ATF7IP2: variants seen among roughly 807,000 people sequenced by gnomAD.
ATF7IP2 encodes the protein activating transcription factor 7-interacting protein 2.
In ATF7IP2, 42 loss-of-function variants were observed where a neutral mutation model predicts 64.2. That is an observed-to-expected ratio of 0.65 (90% CI 0.51 to 0.85). The LOEUF is 0.85. ATF7IP2 is among the 40% of genes least tolerant of loss of function. The pLI, the probability that ATF7IP2 is intolerant of heterozygous loss-of-function variation, is 0.00. For missense variants in ATF7IP2, 933 were observed against 784.2 expected, an observed-to-expected ratio of 1.19 and a Z score of -2.27; for synonymous variants, 308 against 272.8, an observed-to-expected ratio of 1.13 and a Z score of -1.27.
At chr16:10,392,539 A>T (rs2047347566) in intron 1 of ATF7IP2, among the ~76,000 whole-genome samples, 2 of 152,092 alleles carry the variant, frequency 1.3e-5, no homozygotes, top group Non-Finnish European at 2.9e-5. Context: ...AATTATTCTA[A>T]TATTTAAGGA....
intron 9 of ATF7IP2, among the ~76,000 whole-genome samples, chr16:10,462,980 A>G (rs1047627354): frequency 1.3e-5 from 2 of 152,154 alleles, no homozygotes; most frequent in African/African-American, 2.4e-5. Flanking sequence ...TTCAATTTGT[A>G]TATTTTTCAG....
chr16:10,393,601 G>A (rs1412684838), intron 1 of ATF7IP2, among the ~76,000 whole-genome samples: 1 of 152,152 alleles, frequency 6.6e-6, no homozygotes, highest in Non-Finnish European at 1.5e-5. Context: ...TGAGTGTTCT[G>A]AACATGTTTA....
chr16:10,419,133 A>G (rs928418264), intron 2 of ATF7IP2, among the ~76,000 whole-genome samples: 1 of 152,220 alleles, frequency 6.6e-6, no homozygotes, highest in African/African-American at 2.4e-5. Flanking sequence ...TGATGGCAGT[A>G]TGCCTCAATT....
intron 7 of ATF7IP2, among the ~76,000 whole-genome samples, chr16:10,439,351 A>G (rs1309003241): frequency 6.7e-6 from 1 of 148,480 alleles, no homozygotes; most frequent in Non-Finnish European, 1.5e-5. Context: ...GCCTCAGCCT[A>G]CTGTAGTCCC....
At chr16:10,476,270 AC>A (rs1369922439) in intron 12 of ATF7IP2, among the ~76,000 whole-genome samples, 1 of 152,242 alleles carries the variant, frequency 6.6e-6, no homozygotes, top group African/African-American at 2.4e-5. Context: ...ACTGTGAAAC[AC>A]AATACAGAAT....
chr16:10,422,989 A>G (rs1183623938), intron 3 of ATF7IP2, among the ~76,000 whole-genome samples: 1 of 152,246 alleles, frequency 6.6e-6, no homozygotes, highest in East Asian at 1.9e-4. Context: ...TCACGCCTGT[A>G]ATCCCAGCAC....
At chr16:10,476,496 G>C (rs982792635) in intron 12 of ATF7IP2, among the ~76,000 whole-genome samples, 1 of 151,934 alleles carries the variant, frequency 6.6e-6, no homozygotes, top group African/African-American at 2.4e-5. Context: ...GTGTGTGTGT[G>C]TGTTTTTTTT....
chr16:10,389,426 A>G (rs1427137845), intron 1 of ATF7IP2, among the ~76,000 whole-genome samples: 1 of 152,214 alleles, frequency 6.6e-6, no homozygotes, highest in Non-Finnish European at 1.5e-5. Flanking sequence ...ACCTGGCTAT[A>G]GGAAATCTAG....
At chr16:10,391,377 T>C (rs1340134765) in intron 1 of ATF7IP2, among the ~76,000 whole-genome samples, 1 of 149,990 alleles carries the variant, frequency 6.7e-6, no homozygotes, top group East Asian at 2.0e-4. Context: ...GCGGAGATCT[T>C]GCATTGCACT....
At chr16:10,399,808 C>A (rs753427751) in intron 1 of ATF7IP2, among the ~76,000 whole-genome samples, 2 of 152,144 alleles carry the variant, frequency 1.3e-5, no homozygotes, top group Non-Finnish European at 2.9e-5. Context: ...ATTAATTCTC[C>A]TGATCAGTGA....
At chr16:10,478,808 GA>G (rs1219405901) in intron 12 of ATF7IP2, among the ~76,000 whole-genome samples, 8 of 151,862 alleles carry the variant, frequency 5.3e-5, no homozygotes, top group African/African-American at 1.7e-4. Context: ...AAATTCACAA[GA>G]AAAAAACAAC....
chr16:10,460,542 G>A (rs942593080), intron 9 of ATF7IP2, among the ~76,000 whole-genome samples: 2 of 152,132 alleles, frequency 1.3e-5, no homozygotes, highest in East Asian at 1.9e-4. Flanking sequence ...TAGAGAGTCC[G>A]GAAACCCATG....
At position 10,473,547 on chromosome 16, in the gene ATF7IP2, T is replaced by C; in HGVS notation, c.1482+13T>C. ...TGCTGAAGTTATGGTGAGTAATAAATATTGACTCTGAATATTGTTTATTTA... is the reference window on the plus strand; with the variant it reads ...TGCTGAAGTTATGGTGAGTAATAAACATTGACTCTGAATATTGTTTATTTA... On this transcript the variant is annotated intron_variant, in intron 11 of 13. Coordinates refer to ENST00000562102, the MANE Select transcript of ATF7IP2 (RefSeq NM_001393719.1). 1 of 1,510,276 alleles carries C rather than the reference T, an allele frequency of 6.6e-7. No homozygotes were observed. Among genetic ancestry groups the C allele is most frequent in the South Asian group, 1.2e-5 (1 of 84,920 alleles). The allele number at this position is 1,510,276 out of a possible 1,614,324, so 93.6% of individuals were successfully genotyped here.
chr16:10,390,982 A>G (rs982595850), intron 1 of ATF7IP2, among the ~76,000 whole-genome samples: 1 of 152,068 alleles, frequency 6.6e-6, no homozygotes, highest in African/African-American at 2.4e-5. Flanking sequence ...GGGCAGCATA[A>G]TGAGACCCCA....
chr16:10,402,400 AT>A (rs1470529986), intron 1 of ATF7IP2, among the ~76,000 whole-genome samples: 1 of 151,972 alleles, frequency 6.6e-6, no homozygotes, highest in African/African-American at 2.4e-5. Context: ...TTCTCTTTGC[AT>A]TGATTTCTAG....
intron 4 of ATF7IP2, among the ~76,000 whole-genome samples, 196 bp downstream of exon 4, chr16:10,429,212 C>A (rs1014733209): frequency 6.6e-6 from 1 of 152,042 alleles, no homozygotes; most frequent in Non-Finnish European, 1.5e-5. Context: ...GAAAATAATA[C>A]AAAAATTGTA....
In ATF7IP2 at chr16:10,475,185, T is replaced by C. The variant is rs189418511; in HGVS notation, c.1549+1196T>C. On this transcript the variant is annotated intron_variant, in intron 12 of 13. Coordinates refer to ENST00000562102, the MANE Select transcript of ATF7IP2 (RefSeq NM_001393719.1). ...ATAAAACTATATTGTAGAATGTATA[T>C]AGAAGTCAGTAGATGAAAACAGTAG... 4.1e-4 allele frequency among the ~76,000 whole-genome samples: 62 copies of C among 152,304 alleles called. No homozygotes were observed. The East Asian group carries it at 0.012, about 29-fold the overall frequency.
At chr16:10,410,891 T>C (rs1015213278) in intron 1 of ATF7IP2, among the ~76,000 whole-genome samples, 6 of 152,242 alleles carry the variant, frequency 3.9e-5, no homozygotes, top group African/African-American at 1.4e-4. Flanking sequence ...GTCCTTTGTA[T>C]GCCAATTTTG....
intron 8 of ATF7IP2, among the ~76,000 whole-genome samples, chr16:10,441,039 A>T (rs2048601385): frequency 6.6e-6 from 1 of 152,132 alleles, no homozygotes; most frequent in Non-Finnish European, 1.5e-5. Flanking sequence ...GCTGAGAATG[A>T]TGGTTTTCAG....
Sources: gnomAD v4.1 joint callset for allele counts (sites outside exome capture counted in the v4.1 genomes callset) on GRCh38, gnomAD v4.1.1 for gene constraint, MANE v1.5 for transcripts, NCBI Gene and HGNC (gene_info 2026-07-23, HGNC 2026-07-21) for gene names.